The following ERBB4 variants were observed in gnomAD, a reference collection of about 807,000 sequenced individuals.
ERBB4 encodes the protein erb-b2 receptor tyrosine kinase 4.
Under a neutral mutation model 158.0 loss-of-function variants are expected in ERBB4, and 42 were observed. The ratio of observed to expected loss-of-function variants is 0.27; its 90% CI spans 0.21 to 0.34. ERBB4 has a LOEUF of 0.34. ERBB4 is among the 10% of genes least tolerant of loss of function. The probability of loss-of-function intolerance (pLI) is 1.00; values close to 1 mark genes in which losing one functional copy is unlikely to be tolerated. For synonymous variants in ERBB4, 583 were observed against 558.7 expected, an observed-to-expected ratio of 1.04 and a Z score of -0.61; for missense variants, 1,333 against 1,624.1, an observed-to-expected ratio of 0.82 and a Z score of 3.08.
intron 5 of ERBB4, among the ~76,000 whole-genome samples, chr2:211,728,347 T>C (rs759816883): frequency 3.3e-5 from 5 of 151,780 alleles, no homozygotes; most frequent in African/African-American, 4.8e-5. Flanking sequence ...ACATTATATA[T>C]ATATATATGA....
intron 20 of ERBB4, among the ~76,000 whole-genome samples, chr2:211,519,551 G>C (rs2066133778): frequency 6.6e-6 from 1 of 151,994 alleles, no homozygotes; most frequent in South Asian, 2.1e-4. Flanking sequence ...AGCAAAAGTG[G>C]TTCATATTCC....
At chr2:211,422,603 A>G (rs1043873104) in intron 23 of ERBB4, among the ~76,000 whole-genome samples, 1 of 151,836 alleles carries the variant, frequency 6.6e-6, no homozygotes, top group Non-Finnish European at 1.5e-5. Flanking sequence ...AGCAATTTTC[A>G]AGGTATGTAT....
At chr2:211,845,190 C>T (rs2077560576) in intron 3 of ERBB4, among the ~76,000 whole-genome samples, 1 of 152,062 alleles carries the variant, frequency 6.6e-6, no homozygotes, top group Admixed American at 6.6e-5. Flanking sequence ...GGCATGAATA[C>T]TGAGCAATTG....
At chr2:211,985,994 C>G (rs2081927535) in intron 2 of ERBB4, among the ~76,000 whole-genome samples, 2 of 152,100 alleles carry the variant, frequency 1.3e-5, no homozygotes, top group South Asian at 4.1e-4. Flanking sequence ...TCAGGTAGTA[C>G]TGAATTAGGG....
rs138947748 is a variant in ERBB4 at position 212,465,417 on chromosome 2, A to T, written c.82+73032T>A. On this transcript the variant is annotated intron_variant, in intron 1 of 27. Transcript: ENST00000342788. Reference sequence around the variant, plus strand: ...AGCGCACCTCTTTGCTGAATGGATGAGGAAGCAGAATCAGAATGACAATGA... The same window carrying T: ...AGCGCACCTCTTTGCTGAATGGATGTGGAAGCAGAATCAGAATGACAATGA... 9.0e-3 allele frequency among the ~76,000 whole-genome samples: 1,363 copies of T among 152,280 alleles called. 22 individuals carry two copies. Among genetic ancestry groups the T allele is most frequent in the African/African-American group, 0.031 (1,305 of 41,552 alleles).
rs181296648 is a variant in ERBB4, at chr2:211,745,767, C to A, written c.622+4872G>T. 7.5e-5 allele frequency among the ~76,000 whole-genome samples: 11 copies of A among 146,124 alleles called. No homozygotes were observed. The East Asian group carries it at 2.4e-3, about 31-fold the overall frequency. ...AACCCTTAGGTAAGTATACTTATCTCCATTTTATAGATATGGTAATGATAT... is the reference window on the plus strand; with the variant it reads ...AACCCTTAGGTAAGTATACTTATCTACATTTTATAGATATGGTAATGATAT... On this transcript the variant is annotated intron_variant, in intron 5 of 27. Coordinates refer to ENST00000342788, the MANE Select transcript of ERBB4 (RefSeq NM_005235.3).
intron 3 of ERBB4, among the ~76,000 whole-genome samples, chr2:211,811,968 A>T (rs2076766642): frequency 6.6e-6 from 1 of 152,120 alleles, no homozygotes; most frequent in African/African-American, 2.4e-5. Context: ...GATGGGTTCA[A>T]ACATCCTCCT....
chr2:212,116,611 T>C (rs979764736), intron 2 of ERBB4, among the ~76,000 whole-genome samples: 2 of 152,102 alleles, frequency 1.3e-5, no homozygotes, highest in African/African-American at 2.4e-5. Context: ...CCACACTGGT[T>C]AAATTTTAAA....
chr2:212,005,961 T>A (rs1409005247), intron 2 of ERBB4, among the ~76,000 whole-genome samples: 1 of 151,366 alleles, frequency 6.6e-6, no homozygotes, highest in Non-Finnish European at 1.5e-5. Flanking sequence ...AAACTACATA[T>A]TAGGATTGCA....
intron 2 of ERBB4, among the ~76,000 whole-genome samples, chr2:212,002,800 TG>T (rs2076136430): frequency 6.6e-6 from 1 of 152,192 alleles, no homozygotes; most frequent in East Asian, 1.9e-4. Context: ...GGCTCACGCC[TG>T]TAATCCCAGC....
At chr2:211,450,721 C>A (rs1034555849) in intron 20 of ERBB4, among the ~76,000 whole-genome samples, 1 of 152,036 alleles carries the variant, frequency 6.6e-6, no homozygotes, top group Non-Finnish European at 1.5e-5. Context: ...CTCGGAGAGG[C>A]CTTCTCCAAC....
At chr2:212,026,831 T>G (rs1478331250) in intron 2 of ERBB4, among the ~76,000 whole-genome samples, 1 of 151,798 alleles carries the variant, frequency 6.6e-6, no homozygotes, top group African/African-American at 2.4e-5. Flanking sequence ...TTGACACAAA[T>G]AAAAATATAA....
chr2:212,482,305 C>G (rs916224976), intron 1 of ERBB4, among the ~76,000 whole-genome samples: 19 of 152,248 alleles, frequency 1.2e-4, no homozygotes, highest in Middle Eastern at 3.4e-3. Context: ...ACTGAGTTTT[C>G]TTAGGAAATA....
intron 1 of ERBB4, among the ~76,000 whole-genome samples, chr2:212,279,475 G>C (rs187114621): frequency 1.3e-5 from 2 of 151,572 alleles, no homozygotes; most frequent in East Asian, 3.9e-4. Context: ...CTTAATTAAA[G>C]AAAATCTGCC....
At chr2:212,276,971 A>G (rs142576998) in intron 1 of ERBB4, among the ~76,000 whole-genome samples, 67 of 151,894 alleles carry the variant, frequency 4.4e-4, no homozygotes, top group African/African-American at 1.6e-3. Context: ...CCTTAGCATA[A>G]TTAAGACAAG....
chr2:212,462,941 GT>G (rs886961617), intron 1 of ERBB4, among the ~76,000 whole-genome samples: 8 of 152,072 alleles, frequency 5.3e-5, no homozygotes, highest in African/African-American at 1.9e-4. Context: ...AATGAAATCT[GT>G]CATTTATGGC....
chr2:211,903,751 C>A (rs990431629), intron 3 of ERBB4, among the ~76,000 whole-genome samples: 11 of 151,040 alleles, frequency 7.3e-5, no homozygotes, highest in African/African-American at 2.4e-4. Flanking sequence ...TATTAAATGC[C>A]GATTTCACTC....
At chr2:212,050,139 A>C (rs1488243198) in intron 2 of ERBB4, among the ~76,000 whole-genome samples, 1 of 152,106 alleles carries the variant, frequency 6.6e-6, no homozygotes, top group African/African-American at 2.4e-5. Context: ...GCATCCTCAT[A>C]GTTTCATATT....
intron 2 of ERBB4, among the ~76,000 whole-genome samples, chr2:212,058,264 C>T (rs1052333710): frequency 6.6e-6 from 1 of 152,280 alleles, no homozygotes; most frequent in African/African-American, 2.4e-5. Context: ...TCTGAATAGA[C>T]CCATAACAGG....
Sources: gnomAD v4.1 joint callset for allele counts (sites outside exome capture counted in the v4.1 genomes callset) on GRCh38, gnomAD v4.1.1 for gene constraint, MANE v1.5 for transcripts, NCBI Gene and HGNC (gene_info 2026-07-23, HGNC 2026-07-21) for gene names.